Variants in GALK2 observed in about 807,000 individuals in gnomAD.
The protein encoded by GALK2 is N-acetylgalactosamine kinase.
A neutral mutation model predicts 52.4 loss-of-function variants in GALK2; 36 were observed. That is an observed-to-expected ratio of 0.69 (90% CI 0.53 to 0.91). The LOEUF is 0.91. Among genes scored for constraint, GALK2 ranks in the 40% least tolerant of loss-of-function variants. The pLI, the probability that GALK2 is intolerant of heterozygous loss-of-function variation, is 0.00. For synonymous variants in GALK2, 176 were observed against 199.1 expected, an observed-to-expected ratio of 0.88 and a Z score of 0.98; for missense variants, 579 against 559.1, an observed-to-expected ratio of 1.04 and a Z score of -0.36.
intron 8 of GALK2, among the ~76,000 whole-genome samples, chr15:49,293,428 A>G (rs745758438): frequency 2.0e-4 from 31 of 152,262 alleles, no homozygotes; most frequent in African/African-American, 4.3e-4. Flanking sequence ...TAAGCAAACT[A>G]TGGCCTACTG....
chr15:49,164,216 T>C (rs2084743915), intron 1 of GALK2, among the ~76,000 whole-genome samples: 1 of 152,168 alleles, frequency 6.6e-6, no homozygotes, highest in African/African-American at 2.4e-5. Context: ...TGATTAAGCA[T>C]TGAAGGGGTT....
chr15:49,343,088 G>A (rs1307047569), intron 3 of GALK2, among the ~76,000 whole-genome samples: 1 of 152,040 alleles, frequency 6.6e-6, no homozygotes, highest in Non-Finnish European at 1.5e-5. Flanking sequence ...CAAGATTAGG[G>A]ACACTTTTTG....
chr15:49,221,522 C>G (rs1175188594), intron 3 of GALK2, among the ~76,000 whole-genome samples: 1 of 151,984 alleles, frequency 6.6e-6, no homozygotes, highest in South Asian at 2.1e-4. Flanking sequence ...AAAAAATTAG[C>G]TGGGTGTGGT....
intron 3 of GALK2, among the ~76,000 whole-genome samples, chr15:49,351,990 G>A (rs2042323024): frequency 6.6e-6 from 1 of 152,190 alleles, no homozygotes; most frequent in African/African-American, 2.4e-5. Flanking sequence ...GCTCAGCTAG[G>A]CTGTTCTAAG....
intron 1 of GALK2, among the ~76,000 whole-genome samples, chr15:49,171,491 A>G (rs1403376716): frequency 2.6e-5 from 4 of 152,092 alleles, no homozygotes; most frequent in East Asian, 3.9e-4. Flanking sequence ...AGTTGATGAT[A>G]TTATACTTTA....
intron 3 of GALK2, among the ~76,000 whole-genome samples, chr15:49,341,135 G>T (rs1250595343): frequency 2.0e-5 from 3 of 152,088 alleles, no homozygotes; most frequent in African/African-American, 4.8e-5. Context: ...GTCTGTTGTT[G>T]TACCAGTACC....
At chr15:49,358,207 A>G in intron 3 of GALK2, among the ~76,000 whole-genome samples, 1 of 151,160 alleles carries the variant, frequency 6.6e-6, no homozygotes, top group Non-Finnish European at 1.5e-5. Context: ...CACCACTCCT[A>G]TTCAACATAG....
chr15:49,320,524 C>T (rs2036792625), intron 9 of GALK2, among the ~76,000 whole-genome samples: 1 of 152,214 alleles, frequency 6.6e-6, no homozygotes, highest in Admixed American at 6.5e-5. Context: ...TGGGAAAGTT[C>T]TCAAACGCTA....
intron 5 of GALK2, among the ~76,000 whole-genome samples, chr15:49,272,442 C>G (rs1275246853): frequency 6.6e-6 from 1 of 152,116 alleles, no homozygotes; most frequent in East Asian, 1.9e-4. Context: ...TGCAGATCAC[C>G]TGGGGATCTT....
At chr15:49,187,820 C>A (rs1019229707) in intron 1 of GALK2, among the ~76,000 whole-genome samples, 11 of 152,102 alleles carry the variant, frequency 7.2e-5, no homozygotes, top group African/African-American at 2.7e-4. Context: ...GCCTGGGATG[C>A]TCCCTTCAGG....
At chr15:49,365,433 G>C (rs1567160075) in intron 3 of GALK2, 4 of 947,974 alleles carry the variant, frequency 4.2e-6, no homozygotes, top group South Asian at 1.3e-5. Flanking sequence ...GCAAGCAACA[G>C]GCCTGTACAA....
chr15:49,302,288 G>C (rs2035179710), intron 8 of GALK2, among the ~76,000 whole-genome samples: 1 of 152,146 alleles, frequency 6.6e-6, no homozygotes, highest in African/African-American at 2.4e-5. Context: ...TAATGATAAA[G>C]ATAGGTAGCT....
chr15:49,242,021 A>G (rs183117184), intron 5 of GALK2, among the ~76,000 whole-genome samples: 1 of 151,892 alleles, frequency 6.6e-6, no homozygotes, highest in Admixed American at 6.6e-5. Flanking sequence ...TTATTTGGAG[A>G]GTTTTTTTTT....
At chr15:49,296,903 G>A (rs927182342) in intron 8 of GALK2, among the ~76,000 whole-genome samples, 4 of 152,132 alleles carry the variant, frequency 2.6e-5, no homozygotes, top group African/African-American at 9.7e-5. Flanking sequence ...CTGTCCACAT[G>A]TGTCTTTTTG....
intron 5 of GALK2, among the ~76,000 whole-genome samples, chr15:49,241,469 A>G (rs1417971980): frequency 6.6e-6 from 1 of 152,174 alleles, no homozygotes. Context: ...CAAGGAAGAT[A>G]ATGTTTCATG....
At chr15:49,177,307 CT>C (rs1048967079) in intron 1 of GALK2, among the ~76,000 whole-genome samples, 43 of 143,964 alleles carry the variant, frequency 3.0e-4, no homozygotes, top group African/African-American at 5.9e-4. Context: ...TATTTATTTT[CT>C]TTTTTTCTTT....
At chr15:49,282,723 C>T (rs1313873079) in intron 6 of GALK2, among the ~76,000 whole-genome samples, 1 of 152,130 alleles carries the variant, frequency 6.6e-6, no homozygotes, top group Non-Finnish European at 1.5e-5. Context: ...TTCTTTAAAA[C>T]ATTTTCTTAG....
chr15:49,336,525 A>G (rs1287918005), downstream of GALK2, among the ~76,000 whole-genome samples: 1 of 152,222 alleles, frequency 6.6e-6, no homozygotes. Flanking sequence ...CCCCACTCCC[A>G]TTGTGAAACA....
chr15:49,243,082 C>T (rs1368342044), intron 5 of GALK2, among the ~76,000 whole-genome samples: 1 of 152,158 alleles, frequency 6.6e-6, no homozygotes, highest in Non-Finnish European at 1.5e-5. Context: ...GCTGACTCAT[C>T]CCACAGCTCT....
Sources: gnomAD v4.1 joint callset for allele counts (sites outside exome capture counted in the v4.1 genomes callset) on GRCh38, gnomAD v4.1.1 for gene constraint, MANE v1.5 for transcripts, NCBI Gene and HGNC (gene_info 2026-07-23, HGNC 2026-07-21) for gene names.